COLEC12: variants seen among roughly 807,000 people sequenced by gnomAD.
The protein encoded by COLEC12 is collectin-12.
In COLEC12, 33 loss-of-function variants were observed where a neutral mutation model predicts 71.1. The ratio of observed to expected loss-of-function variants is 0.46; its 90% CI spans 0.35 to 0.62. The LOEUF is 0.62. Among genes scored for constraint, COLEC12 ranks in the 20% least tolerant of loss-of-function variants. The pLI, the probability that COLEC12 is intolerant of heterozygous loss-of-function variation, is 0.00. For missense variants in COLEC12, 765 were observed against 916.1 expected (o/e 0.84, Z 2.13); for synonymous variants, 350 against 353.0 (o/e 0.99, Z 0.10).
At chr18:368,633 G>A (rs542260354) in intron 2 of COLEC12, among the ~76,000 whole-genome samples, 6 of 152,192 alleles carry the variant, frequency 3.9e-5, no homozygotes, top group Admixed American at 1.3e-4. Flanking sequence ...GGGAGGCCAA[G>A]GTGGGCGGAT....
rs1418913788 is a variant in COLEC12, at chr18:317,929, G to C, written c.*2116C>G. 1 of 152,208 alleles carries C rather than the reference G, an allele frequency of 6.6e-6. No individual in the cohort carries two copies. The highest frequency in any genetic ancestry group is 2.4e-5 in the African/African-American group (1 of 41,432). The allele number at this position is 152,208 out of a possible 1,614,324, so 9.4% of individuals were successfully genotyped here. On this transcript the variant is annotated 3_prime_UTR_variant, in exon 10 of 10. Coordinates refer to ENST00000400256, the MANE Select transcript of COLEC12 (RefSeq NM_130386.3). ...GGGAATGGAGACTGTGGGCAAAGCA[G>C]TACAGTCCACTTGTTCGCAGGTGGG...
Position 333,049 on chromosome 18 carries a change from G to A in COLEC12, c.1911C>T (p.Asp637=), listed in dbSNP as rs199908317. The A allele has an allele frequency of 6.2e-7, 1 of 1,611,568 alleles. No individual in the cohort carries two copies. The highest frequency in any genetic ancestry group is 1.3e-5 in the African/African-American group (1 of 74,892). The change falls in exon 7 of 10, where the codon GAC becomes GAT. Residue 637 remains aspartate, a synonymous_variant. Coordinates refer to ENST00000400256, the MANE Select transcript of COLEC12 (RefSeq NM_130386.3). ...IFEDAKLFCE[D]KSSHLVFINT... Reference sequence around the variant, plus strand: ...TTATGAAAACAAGATGTGAAGACTTGTCTTCACAGAAAAGCTTTGCATCCT... The same window carrying A: ...TTATGAAAACAAGATGTGAAGACTTATCTTCACAGAAAAGCTTTGCATCCT...
intron 2 of COLEC12, among the ~76,000 whole-genome samples, chr18:420,509 C>T (rs1272528250): frequency 6.6e-6 from 1 of 152,076 alleles, no homozygotes; most frequent in Non-Finnish European, 1.5e-5. Flanking sequence ...CATAAAGAGT[C>T]TAAAATTCTA....
intron 2 of COLEC12, among the ~76,000 whole-genome samples, chr18:410,568 A>G (rs1915873472): frequency 6.6e-6 from 1 of 152,072 alleles, no homozygotes; most frequent in African/African-American, 2.4e-5. Context: ...CCACCCGAGT[A>G]GCTGGGATTA....
In COLEC12 at chr18:490,710, CAG is replaced by C. The variant is rs939160760; in HGVS notation, c.7+9796_7+9797del. ...TAACCAGAAAATGCCCCCAAAGAGC[CAG>C]AGTGTGGAGTTCAACCTGAAACCAC... On this transcript the variant is annotated intron_variant, in intron 1 of 9. Transcript: ENST00000400256. Among the ~76,000 whole-genome samples, 9 of 152,194 alleles carry C rather than the reference CAG, an allele frequency of 5.9e-5. 1 individual carries two copies. The highest frequency in any genetic ancestry group is 5.2e-4 in the Admixed American group (8 of 15,280).
At chr18:471,557 CTT>C (rs1438088898) in intron 2 of COLEC12, among the ~76,000 whole-genome samples, 1 of 151,472 alleles carries the variant, frequency 6.6e-6, no homozygotes, top group Non-Finnish European at 1.5e-5. Context: ...AGGAAGTAAA[CTT>C]GTAATTATTT....
rs549055018 is a variant in COLEC12, at chr18:358,269, C to G, written c.59-747G>C. ...CTTCTTCCCCAATTTTTCCATGGAC[C>G]AGAGTAGGGGTAGGGATGGTTTCGG... On this transcript the variant is annotated intron_variant, in intron 2 of 9. Coordinates refer to ENST00000400256, the MANE Select transcript of COLEC12 (RefSeq NM_130386.3). Among the ~76,000 whole-genome samples, 4 of 152,262 alleles carry G rather than the reference C, an allele frequency of 2.6e-5. No individual in the cohort carries two copies. The South Asian group carries it at 6.2e-4, about 24-fold the overall frequency.
intron 2 of COLEC12, among the ~76,000 whole-genome samples, chr18:435,702 C>T (rs553078987): frequency 3.5e-4 from 54 of 152,256 alleles, no homozygotes; most frequent in African/African-American, 1.2e-3. Context: ...AGAACTCTAC[C>T]TACTTTTAGA....
chr18:455,530 C>T (rs1385723288), intron 2 of COLEC12, among the ~76,000 whole-genome samples: 1 of 152,074 alleles, frequency 6.6e-6, no homozygotes, highest in Non-Finnish European at 1.5e-5. Context: ...GCAGAATGTA[C>T]AGGTTTGTTA....
At chr18:392,458 A>G (rs1257934861) in intron 2 of COLEC12, among the ~76,000 whole-genome samples, 1 of 152,244 alleles carries the variant, frequency 6.6e-6, no homozygotes, top group East Asian at 1.9e-4. Context: ...TAAATTACAT[A>G]CTGGATGGGA....
At chr18:321,616 AG>A in intron 9 of COLEC12, 45 bp downstream of exon 9, 1 of 1,610,380 alleles carries the variant, frequency 6.2e-7, no homozygotes, top group South Asian at 1.1e-5. Flanking sequence ...ACCCTTTCAT[AG>A]GACATAAGCT....
Position 500,451 on chromosome 18 carries a change from C to T in COLEC12, c.7+57G>A, listed in dbSNP as rs914511356. On this transcript the variant is annotated intron_variant, in intron 1 of 9. Coordinates refer to ENST00000400256, the MANE Select transcript of COLEC12 (RefSeq NM_130386.3). The surrounding 1 kb of genome is among the most constrained non-coding windows in gnomAD (Gnocchi z 5.3). The stretch of plus-strand genomic sequence containing the variant: ...CGGGAGGCACCTCCGTGGCCTCCCG[C>T]GCGCCCCGAAGCCCGTTCCCCCCGC... The T allele has an allele frequency of 8.4e-7, 1 of 1,192,192 alleles. No individual in the cohort carries two copies. The highest frequency in any genetic ancestry group is 1.0e-6 in the Non-Finnish European group (1 of 956,774). 73.9% of individuals were successfully genotyped at this position (1,192,192 alleles called of 1,614,324 possible).
intron 2 of COLEC12, among the ~76,000 whole-genome samples, chr18:398,524 C>G (rs1464025439): frequency 1.3e-5 from 2 of 152,162 alleles, no homozygotes; most frequent in African/African-American, 2.4e-5. Context: ...GAATGTGGTC[C>G]CCTCTCCAGG....
chr18:411,613 G>T (rs1488693460), intron 2 of COLEC12, among the ~76,000 whole-genome samples: 2 of 152,138 alleles, frequency 1.3e-5, no homozygotes, highest in Non-Finnish European at 2.9e-5. Context: ...AAACTCATTG[G>T]AACAGAGCAG....
intron 2 of COLEC12, among the ~76,000 whole-genome samples, chr18:472,322 A>G (rs916618975): frequency 3.9e-5 from 6 of 152,154 alleles, no homozygotes; most frequent in South Asian, 2.1e-4. Context: ...TACCTTCCTT[A>G]AAAGTATTAT....
At chr18:416,424 T>C (rs929288841) in intron 2 of COLEC12, among the ~76,000 whole-genome samples, 6 of 152,174 alleles carry the variant, frequency 3.9e-5, no homozygotes, top group East Asian at 1.9e-4. Context: ...AGAGATATAA[T>C]GGGAGTCAAT....
chr18:459,806 T>C (rs922491794), intron 2 of COLEC12, among the ~76,000 whole-genome samples: 2 of 152,252 alleles, frequency 1.3e-5, no homozygotes, highest in African/African-American at 4.8e-5. Context: ...AAGGAGATGA[T>C]TGCTCATACG....
At chr18:358,626 A>T (rs1914678438) in intron 2 of COLEC12, among the ~76,000 whole-genome samples, 1 of 152,148 alleles carries the variant, frequency 6.6e-6, no homozygotes, top group Non-Finnish European at 1.5e-5. Flanking sequence ...GGATGTAAAT[A>T]CAGATGATGC....
intron 2 of COLEC12, among the ~76,000 whole-genome samples, chr18:372,233 A>C (rs1032898706): frequency 3.3e-5 from 5 of 152,200 alleles, no homozygotes; most frequent in African/African-American, 4.8e-5. Flanking sequence ...TAATAGATTG[A>C]AAAGACCAAA....
Sources: gnomAD v4.1 joint callset for allele counts (sites outside exome capture counted in the v4.1 genomes callset) on GRCh38, gnomAD v4.1.1 for gene constraint, Gnocchi (gnomAD v3.1) non-coding constraint, MANE v1.5 for transcripts, NCBI Gene and HGNC (gene_info 2026-07-23, HGNC 2026-07-21) for gene names.